The following PNPLA8 variants were observed in gnomAD, a reference collection of about 807,000 sequenced individuals.
PNPLA8 encodes calcium-independent phospholipase A2-gamma.
Under a neutral mutation model 76.9 loss-of-function variants are expected in PNPLA8, and 39 were observed. The ratio of observed to expected loss-of-function variants is 0.51; its 90% CI spans 0.39 to 0.66. The LOEUF is 0.66. Ranked by LOEUF, PNPLA8 falls within the 30% of genes least tolerant of loss-of-function variation. PNPLA8 has a pLI of 0.00. For missense variants in PNPLA8, 887 were observed against 918.0 expected (o/e 0.97, Z 0.44); for synonymous variants, 301 against 307.9 (o/e 0.98, Z 0.24).
At chr7:108,522,325 A>C (rs1347587357) in intron 1 of PNPLA8, among the ~76,000 whole-genome samples, 8 of 151,538 alleles carry the variant, frequency 5.3e-5, no homozygotes, top group Non-Finnish European at 1.2e-4. Flanking sequence ...AAAAAAAAAA[A>C]CATTTACAAT....
intron 5 of PNPLA8, among the ~76,000 whole-genome samples, chr7:108,499,745 C>A (rs1861809202): frequency 6.6e-6 from 1 of 152,234 alleles, no homozygotes; most frequent in East Asian, 1.9e-4. Context: ...AACCTAACTT[C>A]ATCCTAACCC....
chr7:108,506,697 C>A (rs1010144327), intron 4 of PNPLA8, among the ~76,000 whole-genome samples: 4 of 150,182 alleles, frequency 2.7e-5, no homozygotes, highest in Admixed American at 2.6e-4. Flanking sequence ...TTCTCACAAA[C>A]ATAATATTGA....
intron 8 of PNPLA8, among the ~76,000 whole-genome samples, chr7:108,489,993 T>C (rs570559043): frequency 2.6e-5 from 4 of 152,362 alleles, no homozygotes; most frequent in Non-Finnish European, 4.4e-5. Context: ...GCATTGCATA[T>C]CAATGTTTTG....
intron 10 of PNPLA8, among the ~76,000 whole-genome samples, chr7:108,474,386 AGTG>A (rs972165594): frequency 6.6e-6 from 1 of 152,178 alleles, no homozygotes; most frequent in African/African-American, 2.4e-5. Context: ...GGTCCTTTTC[AGTG>A]CCGTAAAGCA....
chr7:108,491,606 A>G lies in PNPLA8; in HGVS notation c.1626-139T>C, dbSNP rs1861173214. On this transcript the variant is annotated intron_variant, in intron 7 of 10. Transcript: ENST00000257694. ...AGGAAAACATGTAAGACTCTCCTCT[A>G]GGAGGCTTATAATTCCATTAATGCA... is the stretch of plus-strand genomic sequence containing the variant. 8.2e-6 allele frequency: 5 copies of G among 611,926 alleles called. No homozygotes were observed. The South Asian group carries it at 1.0e-4, about 12-fold the overall frequency. 37.9% of individuals were successfully genotyped at this position (611,926 alleles called of 1,614,324 possible).
Position 108,514,653 on chromosome 7 carries a change from T to C in PNPLA8, c.839A>G (p.Gln280Arg), listed in dbSNP as rs146686613. ...AGCAATACTTTGTTTAGTTGAAACT[T>C]GAAGAACATCAGGTATCGCAGAAGG... ...TSPSAIPDVL[Q>R]VSTKQSIANF... The change falls in exon 3 of 11, where the codon CAA (glutamine) becomes CGA (arginine). Residue 280 changes from glutamine to arginine, a missense_variant. Gln to Arg is a conservative substitution (Grantham distance 43). Coordinates refer to ENST00000257694, the MANE Select transcript of PNPLA8 (RefSeq NM_001256007.3). The C allele has an allele frequency of 1.9e-6, 3 of 1,614,026 alleles. No individual in the cohort carries two copies. Among genetic ancestry groups the C allele is most frequent in the Admixed American group, 1.7e-5 (1 of 60,010 alleles).
chr7:108,498,361 T>A (rs1861710313), intron 5 of PNPLA8, among the ~76,000 whole-genome samples: 1 of 151,540 alleles, frequency 6.6e-6, no homozygotes, highest in Non-Finnish European at 1.5e-5. Flanking sequence ...GCCTCCTGGG[T>A]TCATGCCATT....
At chr7:108,507,948 GA>G (rs1445094249) in intron 4 of PNPLA8, among the ~76,000 whole-genome samples, 7 of 129,232 alleles carry the variant, frequency 5.4e-5, no homozygotes, top group African/African-American at 2.1e-4. Context: ...AATAGATGCA[GA>G]AAAAGCCTTT....
chr7:108,519,585 G>A (rs1477329894), intron 2 of PNPLA8, among the ~76,000 whole-genome samples: 2 of 152,114 alleles, frequency 1.3e-5, no homozygotes, highest in African/African-American at 4.8e-5. Context: ...TAAATTGCAT[G>A]TGCCATTTAG....
At chr7:108,472,698 G>C (rs1859708146) in intron 10 of PNPLA8, 23 bp from the exon 11 acceptor site, 3 of 1,514,736 alleles carry the variant, frequency 2.0e-6, no homozygotes, top group East Asian at 2.3e-5. Flanking sequence ...AAAAGAAAAG[G>C]ATAAGGGGAT....
Position 108,515,339 on chromosome 7 carries a change from A to T in PNPLA8, c.153T>A (p.His51Gln). The change falls in exon 3 of 11, where the codon CAT (histidine) becomes CAA (glutamine). Residue 51 changes from histidine to glutamine, a missense_variant. His to Gln is a conservative substitution (Grantham distance 24). Coordinates refer to ENST00000257694, the MANE Select transcript of PNPLA8 (RefSeq NM_001256007.3). Reference protein sequence around the residue: ...ISHISLQRGFHTNIIRCKWTK... With the variant: ...ISHISLQRGFQTNIIRCKWTK... ...TCCATTTACATCTTATTATGTTTGT[A>T]TGAAAACCTCTTTGTAGACTGATGT... is the stretch of plus-strand genomic sequence containing the variant. The T allele has an allele frequency of 6.2e-7, 1 of 1,613,690 alleles. No individual in the cohort carries two copies. The highest frequency in any genetic ancestry group is 2.2e-5 in the East Asian group (1 of 44,846).
At chr7:108,478,156 G>T (rs575775806) in intron 10 of PNPLA8, among the ~76,000 whole-genome samples, 24 of 152,136 alleles carry the variant, frequency 1.6e-4, no homozygotes, top group Non-Finnish European at 2.1e-4. Context: ...AGTCAGGAAA[G>T]GTTTCTCTGA....
intron 2 of PNPLA8, 127 bp downstream of exon 2, chr7:108,521,349 G>C (rs562133066): frequency 6.4e-6 from 1 of 155,082 alleles, no homozygotes; most frequent in East Asian, 1.9e-4. Flanking sequence ...ACAGGACTGG[G>C]AAAAATGTTA....
intron 9 of PNPLA8, among the ~76,000 whole-genome samples, chr7:108,482,489 A>G (rs1860468424): frequency 6.6e-6 from 1 of 152,270 alleles, no homozygotes; most frequent in Admixed American, 6.5e-5. Flanking sequence ...ATAAATAATA[A>G]AATAGTTTAA....
chr7:108,522,636 C>A (rs534287454), intron 1 of PNPLA8, among the ~76,000 whole-genome samples: 6 of 152,108 alleles, frequency 3.9e-5, no homozygotes, highest in African/African-American at 1.4e-4. Context: ...GTCACGGGTG[C>A]GTCCTTAAAC....
chr7:108,513,344 T>C (rs1271583235), intron 4 of PNPLA8, among the ~76,000 whole-genome samples: 1 of 152,096 alleles, frequency 6.6e-6, no homozygotes, highest in African/African-American at 2.4e-5. Context: ...ATAATGTATG[T>C]GTTATACAAT....
At chr7:108,519,884 AG>A (rs1310896314) in intron 2 of PNPLA8, among the ~76,000 whole-genome samples, 2 of 152,148 alleles carry the variant, frequency 1.3e-5, no homozygotes, top group Non-Finnish European at 2.9e-5. Context: ...CCACACCCAA[AG>A]GACACTTTCA....
intron 5 of PNPLA8, among the ~76,000 whole-genome samples, chr7:108,500,206 T>C (rs1861839890): frequency 2.6e-5 from 4 of 152,172 alleles, no homozygotes; most frequent in Admixed American, 2.6e-4. Context: ...CCAACTCCCC[T>C]GAACATTATG....
rs776793393 is a variant in PNPLA8, at chr7:108,496,539, C to T, written c.1625+45G>A. The T allele has an allele frequency of 6.9e-5, 83 of 1,208,154 alleles. 1 individual carries two copies. The South Asian group carries it at 1.1e-3, about 16-fold the overall frequency. 74.8% of individuals were successfully genotyped at this position (1,208,154 alleles called of 1,614,324 possible). On this transcript the variant is annotated intron_variant, in intron 7 of 10. Transcript: ENST00000257694. ...TTTTTCAAATTATAATATGCACATACTACCTATATAATCAGAAGATTTAAA... is the reference window on the plus strand; with the variant it reads ...TTTTTCAAATTATAATATGCACATATTACCTATATAATCAGAAGATTTAAA...
Sources: allele counts gnomAD v4.1 joint callset (sites outside exome capture counted in the v4.1 genomes callset), GRCh38; gene constraint gnomAD v4.1.1; transcripts MANE v1.5; gene names NCBI Gene and HGNC (gene_info 2026-07-23, HGNC 2026-07-21).